ZBTB7C: variants seen among roughly 807,000 people sequenced by gnomAD.
ZBTB7C encodes zinc finger and BTB domain containing 7C.
In ZBTB7C, 8 loss-of-function variants were observed where a neutral mutation model predicts 25.7. That is an observed-to-expected ratio of 0.31 (90% CI 0.18 to 0.56). The LOEUF (loss-of-function observed/expected upper bound fraction) is 0.56, where lower values mean the gene tolerates loss of function less well. Among genes scored for constraint, ZBTB7C ranks in the 20% least tolerant of loss-of-function variants. ZBTB7C has a pLI of 0.91. For missense variants in ZBTB7C, 824 were observed against 855.2 expected, an observed-to-expected ratio of 0.96 and a Z score of 0.46; for synonymous variants, 394 against 369.0, an observed-to-expected ratio of 1.07 and a Z score of -0.78.
At chr18:48,309,848 C>T (rs2045770074) in intron 2 of ZBTB7C, among the ~76,000 whole-genome samples, 1 of 152,194 alleles carries the variant, frequency 6.6e-6, no homozygotes, top group African/African-American at 2.4e-5. Context: ...AGTAGTTTCT[C>T]CCCTAGGAAA....
chr18:48,385,836 G>C (rs2047734427), intron 1 of ZBTB7C, among the ~76,000 whole-genome samples: 1 of 152,172 alleles, frequency 6.6e-6, no homozygotes, highest in African/African-American at 2.4e-5. Flanking sequence ...CTGGCAGCCA[G>C]GGTGGCAGAC....
intron 1 of ZBTB7C, among the ~76,000 whole-genome samples, chr18:48,343,142 C>T (rs576034215): frequency 1.3e-5 from 2 of 152,206 alleles, no homozygotes; most frequent in African/African-American, 2.4e-5. Flanking sequence ...GCTCTCTGGG[C>T]CTCAGTTTCC....
chr18:48,347,959 G>T (rs1299222951), intron 1 of ZBTB7C, among the ~76,000 whole-genome samples: 1 of 152,224 alleles, frequency 6.6e-6, no homozygotes, highest in Admixed American at 6.5e-5. Context: ...TGGAAGGCAG[G>T]TACAGAGGTT....
intron 3 of ZBTB7C, among the ~76,000 whole-genome samples, chr18:48,056,990 TAG>T (rs1355668894): frequency 1.5e-5 from 2 of 131,482 alleles, no homozygotes; most frequent in African/African-American, 5.9e-5. Flanking sequence ...TTCCTTTATA[TAG>T]AGAGAGACCA....
At chr18:48,389,224 CTCTCTCTCTCTCGTGTGTGTGTGTGT>C (rs2047827472) in intron 1 of ZBTB7C, among the ~76,000 whole-genome samples, 3 of 124,250 alleles carry the variant, frequency 2.4e-5, no homozygotes, top group African/African-American at 9.6e-5. Context: ...CTCTCTCTCT[CTCTCTCTCTCTCGTGTGTGTGTGTGT>C]GTGTGTGTGT....
At chr18:48,314,289 C>T (rs55645116) in intron 2 of ZBTB7C, among the ~76,000 whole-genome samples, 13 of 152,270 alleles carry the variant, frequency 8.5e-5, no homozygotes, top group Middle Eastern at 3.4e-3. Flanking sequence ...TGCTTCAGTT[C>T]GTCTACAATG....
At chr18:48,084,261 G>T (rs1568205163) in intron 3 of ZBTB7C, among the ~76,000 whole-genome samples, 2 of 152,318 alleles carry the variant, frequency 1.3e-5, no homozygotes, top group South Asian at 2.1e-4. Context: ...CAAAGATCAG[G>T]GGCCAGAGGT....
intron 3 of ZBTB7C, among the ~76,000 whole-genome samples, chr18:48,130,269 T>C (rs1015522180): frequency 2.0e-5 from 3 of 152,148 alleles, no homozygotes; most frequent in African/African-American, 7.2e-5. Flanking sequence ...AGGAGGTATT[T>C]GGGAAAAGTT....
At chr18:48,366,206 G>A (rs1454965976) in intron 1 of ZBTB7C, among the ~76,000 whole-genome samples, 1 of 152,130 alleles carries the variant, frequency 6.6e-6, no homozygotes, top group African/African-American at 2.4e-5. Flanking sequence ...AATAAATCAA[G>A]GTGACATTTC....
chr18:48,241,946 A>G (rs1396424792), intron 2 of ZBTB7C, among the ~76,000 whole-genome samples: 2 of 152,186 alleles, frequency 1.3e-5, no homozygotes, highest in Admixed American at 1.3e-4. Context: ...TTGAAAGACC[A>G]TTAGCAAGAT....
At chr18:48,221,785 T>G (rs890704576) in intron 2 of ZBTB7C, among the ~76,000 whole-genome samples, 2 of 151,572 alleles carry the variant, frequency 1.3e-5, no homozygotes, top group South Asian at 2.1e-4. Context: ...CAGTTTCCTC[T>G]ATGCTGTCCC....
intron 1 of ZBTB7C, among the ~76,000 whole-genome samples, chr18:48,342,839 G>A (rs1270121860): frequency 2.6e-5 from 4 of 152,120 alleles, no homozygotes; most frequent in Non-Finnish European, 5.9e-5. Flanking sequence ...GCTTTCAAGT[G>A]TTGCCGGACA....
intron 2 of ZBTB7C, among the ~76,000 whole-genome samples, chr18:48,296,516 C>T (rs777228188): frequency 6.6e-6 from 1 of 152,206 alleles, no homozygotes; most frequent in African/African-American, 2.4e-5. Flanking sequence ...GTCTTGGAAA[C>T]TAATTACATT....
intron 2 of ZBTB7C, among the ~76,000 whole-genome samples, chr18:48,279,948 G>A (rs1260972901): frequency 6.6e-6 from 1 of 152,232 alleles, no homozygotes; most frequent in Non-Finnish European, 1.5e-5. Flanking sequence ...GGGGTTGGTA[G>A]GGAGAGGAAA....
chr18:48,352,640 G>A (rs1349412138), intron 1 of ZBTB7C, among the ~76,000 whole-genome samples: 1 of 152,104 alleles, frequency 6.6e-6, no homozygotes, highest in East Asian at 1.9e-4. Flanking sequence ...GCAGTCCATG[G>A]GCAGCCTGGG....
intron 3 of ZBTB7C, among the ~76,000 whole-genome samples, chr18:48,129,266 T>C (rs2039908698): frequency 6.6e-6 from 1 of 151,620 alleles, no homozygotes; most frequent in Non-Finnish European, 1.5e-5. Context: ...TCAGGGTGGC[T>C]TCATAACTTC....
chr18:48,129,369 AC>A (rs1357364760), intron 3 of ZBTB7C, among the ~76,000 whole-genome samples: 1 of 149,714 alleles, frequency 6.7e-6, no homozygotes, highest in African/African-American at 2.5e-5. Flanking sequence ...AAAAAAAAAA[AC>A]CACATAGCAA....
At chr18:48,241,866 C>T (rs1224118891) in intron 2 of ZBTB7C, among the ~76,000 whole-genome samples, 1 of 151,706 alleles carries the variant, frequency 6.6e-6, no homozygotes, top group African/African-American at 2.4e-5. Flanking sequence ...TAGAGCAGAA[C>T]TAAATGACAT....
At chr18:48,090,557 A>G (rs7231310) in intron 3 of ZBTB7C, among the ~76,000 whole-genome samples, 6,389 of 152,262 alleles carry the variant, frequency 0.042, 252 homozygotes, top group East Asian at 0.17. Flanking sequence ...ACCAACAAAG[A>G]GAGAAGCAGA....
Sources: allele counts gnomAD v4.1 joint callset (sites outside exome capture counted in the v4.1 genomes callset), GRCh38; gene constraint gnomAD v4.1.1; transcripts MANE v1.5; gene names NCBI Gene and HGNC (gene_info 2026-07-23, HGNC 2026-07-21).